Variants in CNNM2 observed in about 807,000 individuals in gnomAD.
CNNM2 encodes the protein metal transporter CNNM2.
A neutral mutation model predicts 66.9 loss-of-function variants in CNNM2; 12 were observed. The ratio of observed to expected loss-of-function variants is 0.18; its 90% CI spans 0.11 to 0.29. CNNM2 has a LOEUF of 0.29. Ranked by LOEUF, CNNM2 falls within the 10% of genes least tolerant of loss-of-function variation. The probability of loss-of-function intolerance (pLI) is 1.00; values close to 1 mark genes in which losing one functional copy is unlikely to be tolerated. For missense variants in CNNM2, 705 were observed against 1,167.7 expected, an observed-to-expected ratio of 0.60 and a Z score of 5.77; for synonymous variants, 557 against 501.8, an observed-to-expected ratio of 1.11 and a Z score of -1.47.
intron 1 of CNNM2, among the ~76,000 whole-genome samples, chr10:102,958,759 T>A (rs897003311): frequency 3.3e-5 from 5 of 152,048 alleles, no homozygotes; most frequent in African/African-American, 1.2e-4. Flanking sequence ...TGTGAGCCAC[T>A]GTGCCTGGCC....
intron 1 of CNNM2, among the ~76,000 whole-genome samples, chr10:103,036,998 A>T (rs2064952473): frequency 6.6e-6 from 1 of 152,148 alleles, no homozygotes; most frequent in African/African-American, 2.4e-5. Context: ...GTTTTGCAAG[A>T]TGTTACCATT....
rs879417137 is a variant in CNNM2, at chr10:102,929,445, T to TA, written c.1621+9344_1621+9345insA. Among the ~76,000 whole-genome samples, 123 of 148,400 alleles carry TA rather than the reference T, an allele frequency of 8.3e-4. 1 individual carries two copies. The highest frequency in any genetic ancestry group is 6.0e-3 in the East Asian group (31 of 5,142). ...GTGACAGAGCAAGAGCATGTCTTTT[T>TA]TAAAAAAAAAAAAAAAAAGTGACTA... is the stretch of plus-strand genomic sequence containing the variant. On this transcript the variant is annotated intron_variant, in intron 1 of 7. Transcript: ENST00000369878.
At chr10:102,927,853 C>G (rs1043148217) in intron 1 of CNNM2, among the ~76,000 whole-genome samples, 4 of 152,142 alleles carry the variant, frequency 2.6e-5, no homozygotes, top group African/African-American at 9.7e-5. Flanking sequence ...AAACCCTCTC[C>G]CTGTGTTACA....
chr10:102,942,939 C>T (rs1256486247), intron 1 of CNNM2, among the ~76,000 whole-genome samples: 6 of 152,058 alleles, frequency 3.9e-5, no homozygotes, highest in South Asian at 2.1e-4. Context: ...AGTCCAGGCG[C>T]GCCTGGATCA....
At chr10:103,067,488 A>G (rs1186926275) in intron 4 of CNNM2, among the ~76,000 whole-genome samples, 1 of 152,236 alleles carries the variant, frequency 6.6e-6, no homozygotes, top group Non-Finnish European at 1.5e-5. Context: ...ATGAATTCAT[A>G]AAACACTGAT....
At position 103,059,559 on chromosome 10, in the gene CNNM2, A is replaced by T. The variant is rs549864399; in HGVS notation, c.2073+2595A>T. ...TAAAAAAGCCAAAACTTCAAGTTTT[A>T]TCTGTAAAAGTAGATTTTTACACCA... On this transcript the variant is annotated intron_variant, in intron 4 of 7. Coordinates refer to ENST00000369878, the MANE Select transcript of CNNM2 (RefSeq NM_017649.5). Among the ~76,000 whole-genome samples, 29 of 152,360 alleles carry T rather than the reference A, an allele frequency of 1.9e-4. 1 individual carries two copies. The South Asian group carries it at 6.0e-3, about 32-fold the overall frequency.
In CNNM2 at chr10:102,992,426, A is replaced by G. The variant is rs534444207; in HGVS notation, c.1622-57281A>G. ...CAGCTGGGATTTACAGGCATCTGCC[A>G]CCAAGCCCTGCTAATTTTTGTATTT... On this transcript the variant is annotated intron_variant, in intron 1 of 7. Coordinates refer to ENST00000369878, the MANE Select transcript of CNNM2 (RefSeq NM_017649.5). Among the ~76,000 whole-genome samples the G allele has an allele frequency of 1.2e-3, 176 of 152,108 alleles. No homozygotes were observed. The highest frequency in any genetic ancestry group is 2.8e-3 in the Admixed American group (43 of 15,254).
At chr10:102,954,782 G>A (rs947767103) in intron 1 of CNNM2, among the ~76,000 whole-genome samples, 2 of 152,132 alleles carry the variant, frequency 1.3e-5, no homozygotes, top group Non-Finnish European at 2.9e-5. Context: ...TGGAGGTGGG[G>A]ACTTCAAGGG....
chr10:103,069,771 G>A (rs1490940388), intron 5 of CNNM2, among the ~76,000 whole-genome samples: 2 of 152,224 alleles, frequency 1.3e-5, no homozygotes, highest in Non-Finnish European at 2.9e-5. Context: ...GAACAGGTCG[G>A]GCAGGTCGAC....
rs1846795486 is a variant in CNNM2 at position 102,950,750 on chromosome 10, C to T, written c.1621+30649C>T. 2.7e-5 allele frequency among the ~76,000 whole-genome samples: 4 copies of T among 149,900 alleles called. No individual in the cohort carries two copies. In the South Asian group the frequency reaches 8.4e-4, roughly 31 times the overall value. On this transcript the variant is annotated intron_variant, in intron 1 of 7. Transcript: ENST00000369878. ...GCCTGGACAACGTGAGACCCTGTCT[C>T]AAAAAAAAGAAAAAGAAAATAATTT...
chr10:102,999,715 G>A (rs1008065698), intron 1 of CNNM2, among the ~76,000 whole-genome samples: 1 of 152,014 alleles, frequency 6.6e-6, no homozygotes, highest in East Asian at 1.9e-4. Flanking sequence ...AAATTCAAGG[G>A]ACACAGAATA....
intron 4 of CNNM2, chr10:103,068,427 T>C: frequency 1.7e-6 from 1 of 581,978 alleles, no homozygotes. Context: ...GTCACCTCTG[T>C]ATAATCAGCC....
intron 1 of CNNM2, among the ~76,000 whole-genome samples, chr10:102,961,927 T>A (rs1014115630): frequency 6.6e-6 from 1 of 151,542 alleles, no homozygotes; most frequent in African/African-American, 2.4e-5. Flanking sequence ...TAAAAAAAAA[T>A]AAGAAAGGTT....
intron 1 of CNNM2, among the ~76,000 whole-genome samples, chr10:103,019,204 G>T (rs2064518415): frequency 6.6e-6 from 1 of 150,604 alleles, no homozygotes; most frequent in African/African-American, 2.4e-5. Flanking sequence ...GGGAGGTTGA[G>T]ACTGCAGTAA....
Position 102,973,941 on chromosome 10 carries a change from C to T in CNNM2, c.1621+53840C>T, listed in dbSNP as rs540932763. Among the ~76,000 whole-genome samples the T allele has an allele frequency of 1.6e-4, 25 of 152,174 alleles. No homozygotes were observed. In the South Asian group the frequency reaches 5.2e-3, roughly 32 times the overall value. On this transcript the variant is annotated intron_variant, in intron 1 of 7. Transcript: ENST00000369878. Reference sequence around the variant, plus strand: ...AAACCCACCTATCCTTTCTGCTCAGCTTCTGTCATTCATCCATCTCCATGC... The same window carrying T: ...AAACCCACCTATCCTTTCTGCTCAGTTTCTGTCATTCATCCATCTCCATGC...
intron 1 of CNNM2, among the ~76,000 whole-genome samples, chr10:103,015,182 A>G (rs933904646): frequency 1.3e-5 from 2 of 152,186 alleles, no homozygotes; most frequent in South Asian, 2.1e-4. Context: ...TTACCCAACC[A>G]AGGTGGACAA....
Position 103,077,236 on chromosome 10 carries a change from C to A in CNNM2, c.*56C>A, listed in dbSNP as rs2065707403. 2 of 1,507,036 alleles carry A rather than the reference C, an allele frequency of 1.3e-6. No individual in the cohort carries two copies. Among genetic ancestry groups the A allele is most frequent in the Admixed American group, 3.4e-5 (2 of 59,036 alleles). 93.4% of individuals were successfully genotyped at this position (1,507,036 alleles called of 1,614,324 possible). A position where few individuals can be genotyped will look rare whatever the true frequency, so the allele number is the denominator to read the frequency against. On this transcript the variant is annotated 3_prime_UTR_variant, in exon 8 of 8. Transcript: ENST00000369878. ...ACCCGCCCAGTCCCGAGGGCCCGGC[C>A]CTGTCTGCCCATGACTTCACTGGTG...
chr10:102,968,769 G>A (rs1434902162), intron 1 of CNNM2, among the ~76,000 whole-genome samples: 1 of 151,906 alleles, frequency 6.6e-6, no homozygotes, highest in African/African-American at 2.4e-5. Context: ...CACCATGCCA[G>A]GCTAATTTTT....
At chr10:103,016,528 C>A (rs1314048178) in intron 1 of CNNM2, among the ~76,000 whole-genome samples, 1 of 152,112 alleles carries the variant, frequency 6.6e-6, no homozygotes, top group Non-Finnish European at 1.5e-5. Context: ...ATCTACCCCC[C>A]ACTTATTTTC....
Sources: allele counts gnomAD v4.1 joint callset (sites outside exome capture counted in the v4.1 genomes callset), GRCh38; gene constraint gnomAD v4.1.1; transcripts MANE v1.5; gene names NCBI Gene and HGNC (gene_info 2026-07-23, HGNC 2026-07-21).